The following ASH1L variants were observed in gnomAD, a reference collection of about 807,000 sequenced individuals.
ASH1L encodes the protein ASH1 like histone lysine methyltransferase, also known as histone-lysine N-methyltransferase ASH1L.
Under a neutral mutation model 269.0 loss-of-function variants are expected in ASH1L, and 23 were observed. The observed-to-expected ratio is 0.09, with a 90% CI of 0.06 to 0.12. The LOEUF is 0.12. ASH1L is among the 10% of genes least tolerant of loss of function. ASH1L has a pLI of 1.00. For missense variants in ASH1L, 2,912 were observed against 3,567.8 expected (o/e 0.82, Z 4.68); for synonymous variants, 1,187 against 1,253.5 (o/e 0.95, Z 1.12).
intron 6 of ASH1L, among the ~76,000 whole-genome samples, chr1:155,397,414 T>C (rs748170880): frequency 2.0e-5 from 3 of 151,662 alleles, no homozygotes; most frequent in Non-Finnish European, 4.4e-5. Flanking sequence ...GGAGAATCGC[T>C]TGACTCCGGG....
At chr1:155,487,240 C>T (rs1278338592) in intron 2 of ASH1L, among the ~76,000 whole-genome samples, 2 of 151,980 alleles carry the variant, frequency 1.3e-5, no homozygotes, top group Admixed American at 6.6e-5. Flanking sequence ...AGTACCTATT[C>T]TGACTTCATT....
chr1:155,427,402 G>C (rs1183069913), intron 5 of ASH1L, among the ~76,000 whole-genome samples: 1 of 151,896 alleles, frequency 6.6e-6, no homozygotes, highest in Non-Finnish European at 1.5e-5. Flanking sequence ...CCGCCTCCCG[G>C]GTCCAAGCGA....
chr1:155,422,851 T>C (rs777185595), intron 5 of ASH1L, among the ~76,000 whole-genome samples: 2 of 151,806 alleles, frequency 1.3e-5, no homozygotes, highest in Non-Finnish European at 2.9e-5. Context: ...GGTTTCACCA[T>C]GTTGACCAGG....
chr1:155,404,505 T>C (rs984726673), intron 6 of ASH1L, among the ~76,000 whole-genome samples: 2 of 152,032 alleles, frequency 1.3e-5, no homozygotes, highest in African/African-American at 2.4e-5. Context: ...AAGACCTCAT[T>C]GTCTCTACAA....
At chr1:155,379,579 A>T (rs1360123763) in intron 8 of ASH1L, among the ~76,000 whole-genome samples, 1 of 152,194 alleles carries the variant, frequency 6.6e-6, no homozygotes, top group Non-Finnish European at 1.5e-5. Context: ...ATATTTAAAG[A>T]TTTTTTAAAA....
chr1:155,409,774 A>G lies in ASH1L; in HGVS notation c.6008+5970T>C, dbSNP rs1163483430. ...AGCCATCTTTCCCAGGCCTCTGCCA[A>G]GATTTTTTTAAACCTAAATTTAATC... On this transcript the variant is annotated intron_variant, in intron 6 of 27. Coordinates refer to ENST00000392403, the MANE Select transcript of ASH1L (RefSeq NM_018489.3). Among the ~76,000 whole-genome samples, 5 of 152,274 alleles carry G rather than the reference A, an allele frequency of 3.3e-5. No homozygotes were observed. The South Asian group carries it at 1.0e-3, about 32-fold the overall frequency.
chr1:155,500,338 A>G (rs1236291070), intron 2 of ASH1L, among the ~76,000 whole-genome samples: 1 of 152,248 alleles, frequency 6.6e-6, no homozygotes, highest in East Asian at 1.9e-4. Context: ...GCTCTGTGCC[A>G]ACTGTTCTCT....
chr1:155,397,860 C>T (rs1276014225), intron 6 of ASH1L, among the ~76,000 whole-genome samples: 1 of 152,154 alleles, frequency 6.6e-6, no homozygotes, highest in Non-Finnish European at 1.5e-5. Flanking sequence ...GGCACCTGGC[C>T]AGGTTATCTT....
intron 2 of ASH1L, among the ~76,000 whole-genome samples, chr1:155,500,894 G>C (rs576627793): frequency 6.6e-6 from 1 of 152,152 alleles, no homozygotes; most frequent in South Asian, 2.1e-4. Flanking sequence ...CTTGAACCTG[G>C]GAGGCAGAGG....
At chr1:155,366,992 T>A (rs1655488807) in intron 12 of ASH1L, among the ~76,000 whole-genome samples, 1 of 145,668 alleles carries the variant, frequency 6.9e-6, no homozygotes. Flanking sequence ...GGGTTTGGTT[T>A]TTTTTTTTTT....
chr1:155,504,753 C>A (rs1198085552), intron 2 of ASH1L, among the ~76,000 whole-genome samples: 1 of 151,294 alleles, frequency 6.6e-6, no homozygotes, highest in Non-Finnish European at 1.5e-5. Flanking sequence ...ACTCGGGAGG[C>A]TGAGGCAGGA....
Position 155,370,778 on chromosome 1 carries a change from T to C in ASH1L, c.6538A>G (p.Arg2180Gly). The C allele has an allele frequency of 1.2e-6, 2 of 1,614,246 alleles. No homozygotes were observed. Among genetic ancestry groups the C allele is most frequent in the Non-Finnish European group, 1.7e-6 (2 of 1,180,030 alleles). ...LGEVVSEQEF[R>G]NRMIEQYHNH... is the part of the protein sequence containing the mutation. ...GAGTATCATCATTTACCACCGTACC[T>C]GAACTCCTGTTCACTGACGACCTCC... Residue 2180 changes from arginine (R) to glycine (G), a missense_variant and splice_region_variant, in exon 11 of 28, where the codon AGG becomes GGG. Transcript: ENST00000392403.
chr1:155,434,323 T>C (rs1661898024), intron 5 of ASH1L: 1 of 1,552,100 alleles, frequency 6.4e-7, no homozygotes, highest in Non-Finnish European at 8.7e-7. Flanking sequence ...AAAGAGAACC[T>C]GGAGTTTGTG....
chr1:155,396,961 C>CAAA (rs764215662), intron 6 of ASH1L: 2 of 73,536 alleles, frequency 2.7e-5, no homozygotes, highest in East Asian at 3.9e-4. Context: ...GACACCATCT[C>CAAA]AAAAAAAAAA....
chr1:155,503,866 A>C (rs1667655459), intron 2 of ASH1L, among the ~76,000 whole-genome samples: 1 of 152,186 alleles, frequency 6.6e-6, no homozygotes, highest in South Asian at 2.1e-4. Context: ...CTGGGACAAC[A>C]GGTGTAAGCC....
At chr1:155,418,136 T>C (rs1351310757) in intron 5 of ASH1L, among the ~76,000 whole-genome samples, 1 of 152,128 alleles carries the variant, frequency 6.6e-6, no homozygotes, top group Non-Finnish European at 1.5e-5. Context: ...AATAAATTCC[T>C]ACATATGCCA....
chr1:155,390,765 C>A (rs1340070275), intron 7 of ASH1L, among the ~76,000 whole-genome samples: 1 of 151,868 alleles, frequency 6.6e-6, no homozygotes, highest in Non-Finnish European at 1.5e-5. Context: ...CCTGCCTCAG[C>A]CTCCTGAGTA....
chr1:155,354,297 G>T (rs1654178167), intron 16 of ASH1L, among the ~76,000 whole-genome samples, 176 bp downstream of exon 16: 1 of 152,144 alleles, frequency 6.6e-6, no homozygotes, highest in African/African-American at 2.4e-5. Context: ...ACAAAAATTA[G>T]CCGGGCATGG....
chr1:155,377,537 C>T (rs1364417589), intron 10 of ASH1L, among the ~76,000 whole-genome samples: 2 of 151,922 alleles, frequency 1.3e-5, no homozygotes, highest in Admixed American at 1.3e-4. Context: ...TGAATCCAGC[C>T]TGGGCAACAC....
Sources: allele counts gnomAD v4.1 joint callset (sites outside exome capture counted in the v4.1 genomes callset), GRCh38; gene constraint gnomAD v4.1.1; transcripts MANE v1.5; gene names NCBI Gene and HGNC (gene_info 2026-07-23, HGNC 2026-07-21).